Variants in LRRC4C observed in about 807,000 individuals in gnomAD.
LRRC4C encodes leucine-rich repeat-containing protein 4C.
Under a neutral mutation model 33.6 loss-of-function variants are expected in LRRC4C, and 5 were observed. The observed-to-expected ratio is 0.15, with a 90% confidence interval of 0.08 to 0.31. The LOEUF is 0.31. Ranked by LOEUF, LRRC4C falls within the 10% of genes least tolerant of loss-of-function variation. The pLI is 1.00. For synonymous variants in LRRC4C, 329 were observed against 302.0 expected, an observed-to-expected ratio of 1.09 and a Z score of -0.93; for missense variants, 560 against 796.7, an observed-to-expected ratio of 0.70 and a Z score of 3.58.
intron 4 of LRRC4C, among the ~76,000 whole-genome samples, chr11:40,274,556 G>A (rs1399989165): frequency 1.3e-5 from 2 of 151,838 alleles, no homozygotes; most frequent in African/African-American, 4.8e-5. Flanking sequence ...GGGAGACAGA[G>A]GAGGGCAAGA....
At chr11:41,091,685 G>T (rs527369417) in intron 1 of LRRC4C, among the ~76,000 whole-genome samples, 1 of 152,000 alleles carries the variant, frequency 6.6e-6, no homozygotes, top group African/African-American at 2.4e-5. Flanking sequence ...AGACATTCAC[G>T]TAATGAGATA....
chr11:40,507,570 A>T (rs1213833016), intron 3 of LRRC4C, among the ~76,000 whole-genome samples: 3 of 152,146 alleles, frequency 2.0e-5, no homozygotes, highest in Admixed American at 2.0e-4. Flanking sequence ...AACGCCTAGC[A>T]TTACCATATG....
chr11:40,225,605 T>TTCTC (rs1005029405), intron 5 of LRRC4C, among the ~76,000 whole-genome samples: 1 of 147,582 alleles, frequency 6.8e-6, no homozygotes, highest in African/African-American at 2.5e-5. Context: ...TATTTCCCAA[T>TTCTC]TCTCTCTCTC....
At chr11:40,253,673 C>T (rs1158215858) in intron 4 of LRRC4C, among the ~76,000 whole-genome samples, 1 of 152,112 alleles carries the variant, frequency 6.6e-6, no homozygotes, top group African/African-American at 2.4e-5. Flanking sequence ...TAAACTTAAC[C>T]CTCCAGATGC....
chr11:41,445,795 T>A (rs1955802106), intron 1 of LRRC4C, among the ~76,000 whole-genome samples: 1 of 151,810 alleles, frequency 6.6e-6, no homozygotes, highest in South Asian at 2.1e-4. Flanking sequence ...AAAAAAGAAC[T>A]TTTTTTCTTT....
chr11:41,450,156 C>T (rs1186329875), intron 1 of LRRC4C, among the ~76,000 whole-genome samples: 1 of 152,110 alleles, frequency 6.6e-6, no homozygotes, highest in East Asian at 1.9e-4. Flanking sequence ...AGACATGTTT[C>T]CCTCTAGAAC....
At chr11:40,984,427 A>G (rs1445438678) in intron 1 of LRRC4C, among the ~76,000 whole-genome samples, 1 of 143,610 alleles carries the variant, frequency 7.0e-6, no homozygotes, top group African/African-American at 2.5e-5. Flanking sequence ...GAAAGAAAGA[A>G]AGAGAAAAAG....
At chr11:40,622,089 A>G (rs550269278) in intron 3 of LRRC4C, among the ~76,000 whole-genome samples, 13 of 152,022 alleles carry the variant, frequency 8.6e-5, no homozygotes, top group African/African-American at 2.9e-4. Context: ...CCAATCTCTC[A>G]GGATTTCCAA....
chr11:40,715,234 T>C (rs1946648230), intron 2 of LRRC4C, among the ~76,000 whole-genome samples: 1 of 152,270 alleles, frequency 6.6e-6, no homozygotes, highest in South Asian at 2.1e-4. Context: ...AGTAGAAAAG[T>C]GAGCAAAGAT....
At chr11:40,507,612 TTTATG>T (rs978814968) in intron 3 of LRRC4C, among the ~76,000 whole-genome samples, 4 of 152,182 alleles carry the variant, frequency 2.6e-5, no homozygotes, top group Non-Finnish European at 5.9e-5. Context: ...CTTTTAGCAG[TTTATG>T]TTAACAATAA....
intron 1 of LRRC4C, among the ~76,000 whole-genome samples, chr11:41,010,860 A>G (rs1281791308): frequency 2.6e-5 from 4 of 152,188 alleles, no homozygotes; most frequent in African/African-American, 9.7e-5. Flanking sequence ...ACTCTTGGAA[A>G]TGAAACATAA....
At chr11:40,987,619 A>C (rs1036675332) in intron 1 of LRRC4C, among the ~76,000 whole-genome samples, 1 of 132,440 alleles carries the variant, frequency 7.6e-6, no homozygotes, top group African/African-American at 2.7e-5. Flanking sequence ...CTGCAGGTAC[A>C]AGTGGGTAAT....
intron 2 of LRRC4C, among the ~76,000 whole-genome samples, chr11:40,844,873 G>C (rs1591863464): frequency 6.6e-6 from 1 of 152,012 alleles, no homozygotes; most frequent in Admixed American, 6.6e-5. Flanking sequence ...AAATGATAAG[G>C]ATATGTGATA....
At chr11:41,224,091 A>G (rs1728079480) in intron 1 of LRRC4C, among the ~76,000 whole-genome samples, 1 of 152,156 alleles carries the variant, frequency 6.6e-6, no homozygotes, top group African/African-American at 2.4e-5. Context: ...TCCTGGTTTA[A>G]TCAATACTTT....
chr11:40,564,270 TA>T (rs1957668143), intron 3 of LRRC4C, among the ~76,000 whole-genome samples: 1 of 152,094 alleles, frequency 6.6e-6, no homozygotes, highest in African/African-American at 2.4e-5. Context: ...GAAGTGTGAG[TA>T]CCTGATTTTC....
intron 3 of LRRC4C, among the ~76,000 whole-genome samples, chr11:40,336,306 C>T (rs1238033680): frequency 1.3e-5 from 2 of 152,040 alleles, no homozygotes; most frequent in Admixed American, 1.3e-4. Context: ...GAGTTGCGGC[C>T]GAAAGAGTGT....
intron 3 of LRRC4C, among the ~76,000 whole-genome samples, chr11:40,621,024 A>C (rs536843404): frequency 1.3e-5 from 2 of 151,438 alleles, no homozygotes; most frequent in East Asian, 3.9e-4. Flanking sequence ...TATACCACCA[A>C]ATTTAATCTA....
rs939997534 is a variant in LRRC4C at position 40,214,828 on chromosome 11, T to G, written c.-96+26691A>C. On this transcript the variant is annotated intron_variant, in intron 5 of 6. Coordinates refer to ENST00000528697, the MANE Select transcript of LRRC4C (RefSeq NM_001258419.2). ...AGGCAGACTAATTCACTCCAAAGGTTTTCTTTGCCCTTTTTTTCCCCGCTA... is the reference window on the plus strand; with the variant it reads ...AGGCAGACTAATTCACTCCAAAGGTGTTCTTTGCCCTTTTTTTCCCCGCTA... 4.6e-5 allele frequency among the ~76,000 whole-genome samples: 7 copies of G among 152,296 alleles called. No individual in the cohort carries two copies. In the South Asian group the frequency reaches 1.2e-3, roughly 27 times the overall value.
At chr11:40,912,187 T>C (rs533888141) in intron 2 of LRRC4C, among the ~76,000 whole-genome samples, 128 of 152,094 alleles carry the variant, frequency 8.4e-4, no homozygotes, top group Non-Finnish European at 1.3e-3. Flanking sequence ...ATTCAGGAAA[T>C]ACAGAGAATG....
Sources: allele counts gnomAD v4.1 joint callset (sites outside exome capture counted in the v4.1 genomes callset), GRCh38; gene constraint gnomAD v4.1.1; transcripts MANE v1.5; gene names NCBI Gene and HGNC (gene_info 2026-07-23, HGNC 2026-07-21).